Variants in MED12L observed in about 807,000 individuals in gnomAD.
The protein encoded by MED12L is mediator of RNA polymerase II transcription subunit 12-like protein.
MED12L carries 60 observed loss-of-function variants against 281.3 expected under a neutral mutation model. The ratio of observed to expected loss-of-function variants is 0.21; its 90% CI spans 0.17 to 0.26. The LOEUF (loss-of-function observed/expected upper bound fraction) is 0.26, where lower values mean the gene tolerates loss of function less well. MED12L is among the 10% of genes least tolerant of loss of function. The pLI, the probability that MED12L is intolerant of heterozygous loss-of-function variation, is 1.00. For synonymous variants in MED12L, 974 were observed against 987.2 expected, an observed-to-expected ratio of 0.99 and a Z score of 0.25; for missense variants, 2,146 against 2,680.9, an observed-to-expected ratio of 0.80 and a Z score of 4.41.
In MED12L at chr3:151,334,192, C is replaced by CTTTTTTT. The variant is rs71848482; in HGVS notation, c.2251-15864_2251-15863insTTTTTTT. Among the ~76,000 whole-genome samples the CTTTTTTT allele has an allele frequency of 5.5e-3, 550 of 99,352 alleles. 35 individuals are homozygous for CTTTTTTT. The highest frequency in any genetic ancestry group is 0.015 in the African/African-American group (372 of 25,118). 65.2% of individuals were successfully genotyped at this position (99,352 alleles called of 152,430 possible). A position where few individuals can be genotyped will look rare whatever the true frequency, so the allele number is the denominator to read the frequency against. Reference sequence around the variant, plus strand: ...GATGTTATGTGTTTTTTCTTTCTTTCTTTCTTTTTTTTTTTGCCATTTCTA... The same window carrying CTTTTTTT: ...GATGTTATGTGTTTTTTCTTTCTTTCTTTTTTTTTTCTTTTTTTTTTTGCCATTTCTA... On this transcript the variant is annotated intron_variant, in intron 16 of 44. Transcript: ENST00000687756.
chr3:151,190,891 C>T lies in MED12L; in HGVS notation c.1928C>T (p.Ala643Val). The stretch of plus-strand genomic sequence containing the variant: ...CCGCGGTCACCAGTAGGGGAAAATG[C>T]AGATGAACACTATTCAAAGGACCAT... The part of the protein sequence containing the change: ...TRPRSPVGEN[A>V]DEHYSKDHDV... Residue 643 changes from alanine (A) to valine (V), a missense_variant, in exon 14 of 45, where the codon GCA (alanine) becomes GTA (valine). Physicochemically the swap from Ala to Val is moderately conservative, Grantham distance 64. This residue lies in a region of MED12L where 722 missense variants were observed against 861.2 expected (regional missense o/e 0.84). Transcript: ENST00000687756. 1 of 1,614,162 alleles carries T rather than the reference C, an allele frequency of 6.2e-7. No individual in the cohort carries two copies. Among genetic ancestry groups the T allele is most frequent in the African/African-American group, 1.3e-5 (1 of 75,042 alleles).
chr3:151,096,844 G>GCCTCCCCTTCTGGTAAACAC (rs1720786135), intron 2 of MED12L, among the ~76,000 whole-genome samples: 1 of 152,216 alleles, frequency 6.6e-6, no homozygotes, highest in Non-Finnish European at 1.5e-5. Context: ...TCTGTAAACA[G>GCCTCCCCTTCTGGTAAACAC]CCTCCCCTTC....
At chr3:151,430,940 T>A (rs1362504999) in intron 44 of MED12L, among the ~76,000 whole-genome samples, 2 of 149,050 alleles carry the variant, frequency 1.3e-5, no homozygotes, top group Non-Finnish European at 2.9e-5. Context: ...GTGGTGTTTT[T>A]GTTTTGTTTT....
rs121917886 is a variant in MED12L at position 151,338,053 on chromosome 3, G to A, written c.2251-12006G>A. 18 of 1,613,918 alleles carry A rather than the reference G, an allele frequency of 1.1e-5. No individual in the cohort carries two copies. The highest frequency in any genetic ancestry group is 5.0e-5 in the Admixed American group (3 of 59,956). On this transcript the variant is annotated intron_variant, in intron 16 of 44. Transcript: ENST00000687756. ...TCAGCAGTGCAGTCAAAGACATCCC[G>A]GGTTTGGCTCAGGGTGTAAGGAATT...
chr3:151,190,723 C>G lies in MED12L; in HGVS notation c.1760C>G (p.Pro587Arg), dbSNP rs1259923654. The change falls in exon 14 of 45, where the codon CCA becomes CGA. Residue 587 changes from proline to arginine, a missense_variant. By Grantham distance (103) the Pro-to-Arg change is moderately radical. This residue lies in a region of MED12L where 722 missense variants were observed against 861.2 expected (regional missense o/e 0.84). Coordinates refer to ENST00000687756, the MANE Select transcript of MED12L (RefSeq NM_001393769.1). ...LDTQAPSLSD[P>R]NSECEKVEFV... is the part of the protein sequence containing the mutation. ...TGAATTTGTTTCTCTATAGCGGACC[C>G]AAACAGTGAATGTGAAAAGGTGGAA... 7 of 1,613,976 alleles carry G rather than the reference C, an allele frequency of 4.3e-6. No homozygotes were observed. The highest frequency in any genetic ancestry group is 5.9e-6 in the Non-Finnish European group (7 of 1,180,004).
chr3:151,095,642 G>C (rs1002023759), intron 2 of MED12L, among the ~76,000 whole-genome samples: 1 of 152,220 alleles, frequency 6.6e-6, no homozygotes, highest in African/African-American at 2.4e-5. Flanking sequence ...CTACCACCGG[G>C]TGTAGTTATA....
At chr3:151,199,292 C>A (rs960856320) in intron 16 of MED12L, 1 of 1,613,918 alleles carries the variant, frequency 6.2e-7, no homozygotes, top group South Asian at 1.1e-5. Context: ...TGCAAAACAA[C>A]TTCCAATAAT....
intron 16 of MED12L, among the ~76,000 whole-genome samples, chr3:151,202,064 ATCAT>A (rs1559872436): frequency 1.3e-5 from 2 of 152,242 alleles, no homozygotes. Context: ...GAAATGAATA[ATCAT>A]TCAGTAATTC....
At chr3:151,108,581 A>G (rs910602560) in intron 2 of MED12L, among the ~76,000 whole-genome samples, 4 of 152,168 alleles carry the variant, frequency 2.6e-5, no homozygotes, top group Non-Finnish European at 5.9e-5. Flanking sequence ...GTTCTGAGTA[A>G]GACTTGAGCT....
At chr3:151,160,221 G>A in intron 8 of MED12L, 120 bp downstream of exon 8, 1 of 893,482 alleles carries the variant, frequency 1.1e-6, no homozygotes, top group Non-Finnish European at 1.7e-6. Context: ...CCTCACCCAA[G>A]TAATTTATTG....
At chr3:151,192,713 C>A in intron 15 of MED12L, 59 bp downstream of exon 15, 1 of 1,025,662 alleles carries the variant, frequency 9.7e-7, no homozygotes, top group Non-Finnish European at 1.5e-6. Flanking sequence ...CCATCCCAGC[C>A]TGTCTCGATC....
At chr3:151,197,648 A>G (rs1157800990) in intron 16 of MED12L, among the ~76,000 whole-genome samples, 2 of 152,202 alleles carry the variant, frequency 1.3e-5, no homozygotes, top group South Asian at 2.1e-4. Flanking sequence ...TCTAGTTCCA[A>G]AACACTAGTT....
At chr3:151,235,877 A>G (rs909051848) in intron 16 of MED12L, among the ~76,000 whole-genome samples, 1 of 152,020 alleles carries the variant, frequency 6.6e-6, no homozygotes, top group African/African-American at 2.4e-5. Flanking sequence ...TAACATAGCC[A>G]TTCCCCCTAT....
intron 8 of MED12L, among the ~76,000 whole-genome samples, chr3:151,163,423 C>T (rs1392338675): frequency 1.3e-5 from 2 of 152,258 alleles, no homozygotes; most frequent in South Asian, 4.1e-4. Flanking sequence ...TTTGACAACC[C>T]CTTGTCCAGG....
chr3:151,106,342 CCCTTT>C lies in MED12L; in HGVS notation c.100-9982_100-9978del, dbSNP rs141445323. ...CCCTCCCCTCCCCTCCCCTCCCCTC[CCCTTT>C]CCTTTCCTTTCCTACAGGGTCTCGC... is the stretch of plus-strand genomic sequence containing the variant. On this transcript the variant is annotated intron_variant, in intron 2 of 44. Transcript: ENST00000687756. Among the ~76,000 whole-genome samples, 766 of 123,248 alleles carry C rather than the reference CCCTTT, an allele frequency of 6.2e-3. 17 individuals carry two copies. Among genetic ancestry groups the C allele is most frequent in the East Asian group, 0.045 (133 of 2,930 alleles). The allele number at this position is 123,248 out of a possible 152,430, so 80.9% of individuals were successfully genotyped here.
chr3:151,243,709 T>C (rs1734738614), intron 16 of MED12L, among the ~76,000 whole-genome samples: 1 of 151,868 alleles, frequency 6.6e-6, no homozygotes, highest in South Asian at 2.1e-4. Context: ...CTGCATCAAC[T>C]AACGAGCAAA....
chr3:151,187,402 C>G (rs1393257822), intron 12 of MED12L, among the ~76,000 whole-genome samples: 1 of 151,942 alleles, frequency 6.6e-6, no homozygotes, highest in East Asian at 1.9e-4. Context: ...ATTTTAATAG[C>G]CTAAATGTAT....
At chr3:151,376,711 C>A in intron 28 of MED12L, 89 bp from the exon 29 acceptor site, 1 of 1,089,404 alleles carries the variant, frequency 9.2e-7, no homozygotes. Flanking sequence ...TTATTCTGCT[C>A]TTTCTTGAGA....
At chr3:151,387,084 G>T (rs1460542588) in intron 36 of MED12L, among the ~76,000 whole-genome samples, 1 of 152,168 alleles carries the variant, frequency 6.6e-6, no homozygotes, top group South Asian at 2.1e-4. Flanking sequence ...ACATCTTAGG[G>T]AATGACTGAG....
Sources: gnomAD v4.1 joint callset for allele counts (sites outside exome capture counted in the v4.1 genomes callset) on GRCh38, gnomAD v4.1.1 for gene constraint, gnomAD v4.1.1 regional missense constraint, MANE v1.5 for transcripts, NCBI Gene and HGNC (gene_info 2026-07-23, HGNC 2026-07-21) for gene names.